PHF8: variants seen among roughly 807,000 people sequenced by gnomAD.
PHF8 encodes PHD finger protein 8.
PHF8 carries 9 observed loss-of-function variants against 74.4 expected under a neutral mutation model. That is an observed-to-expected ratio of 0.12 (90% CI 0.07 to 0.21). PHF8 has a LOEUF of 0.21. Ranked by LOEUF, PHF8 falls within the 10% of genes least tolerant of loss-of-function variation. The pLI, the probability that PHF8 is intolerant of heterozygous loss-of-function variation, is 1.00. For synonymous variants in PHF8, 311 were observed against 316.6 expected (o/e 0.98, Z 0.19); for missense variants, 478 against 816.6 (o/e 0.59, Z 5.05).
At chrX:54,046,826 CCT>C (rs781968954), upstream of PHF8, among the ~76,000 whole-genome samples, 68 of 110,778 alleles carry the variant, frequency 6.1e-4, 1 homozygote, top group Admixed American at 5.7e-3. Context: ...ATAGTGAAAC[CCT>C]GTCTCTACAA....
intron 8 of PHF8, among the ~76,000 whole-genome samples, chrX:54,006,831 G>A (rs1329278921): frequency 2.8e-5 from 3 of 108,711 alleles, no homozygotes; most frequent in South Asian, 4.0e-4. Flanking sequence ...CCAGCTACTC[G>A]GGAGGCTAAG....
chrX:53,979,511 A>C (rs1482363346), intron 18 of PHF8, among the ~76,000 whole-genome samples: 2 of 112,455 alleles, frequency 1.8e-5, no homozygotes, highest in Non-Finnish European at 3.8e-5. Flanking sequence ...ATAAAATATC[A>C]AACACTAGAG....
intron 18 of PHF8, among the ~76,000 whole-genome samples, chrX:53,978,978 AAGG>A (rs1158461501): frequency 2.7e-5 from 3 of 111,071 alleles, no homozygotes; most frequent in African/African-American, 9.8e-5. Flanking sequence ...TAGTAACACA[AAGG>A]AGGTTAGGGA....
At chrX:53,941,454 A>T (rs1405636853) in intron 20 of PHF8, among the ~76,000 whole-genome samples, 1 of 111,612 alleles carries the variant, frequency 9.0e-6, no homozygotes, top group Non-Finnish European at 1.9e-5. Context: ...TTCTCCCAAT[A>T]CCTTGTATTT....
intron 10 of PHF8, among the ~76,000 whole-genome samples, 160 bp downstream of exon 10, chrX:54,001,995 T>C (rs782456491): frequency 1.8e-5 from 2 of 111,138 alleles, no homozygotes; most frequent in South Asian, 7.7e-4. Context: ...TTTTAAAAAT[T>C]GAACATATTT....
intron 2 of PHF8, among the ~76,000 whole-genome samples, chrX:54,036,077 G>A (rs1317226378): frequency 2.8e-4 from 28 of 100,101 alleles, no homozygotes; most frequent in African/African-American, 1.1e-3. Flanking sequence ...GCTCCAGCCT[G>A]GGCAACAAGA....
At chrX:53,966,959 C>A (rs1369206952) in intron 18 of PHF8, among the ~76,000 whole-genome samples, 1 of 110,113 alleles carries the variant, frequency 9.1e-6, no homozygotes, top group South Asian at 4.0e-4. Context: ...CTCTGCCCAG[C>A]CGCCCCATCT....
intron 7 of PHF8, among the ~76,000 whole-genome samples, chrX:54,013,336 A>G (rs2066010838): frequency 9.0e-6 from 1 of 111,691 alleles, no homozygotes; most frequent in African/African-American, 3.3e-5. Flanking sequence ...CTGTGGTGGC[A>G]GTTAAATGAC....
Position 53,993,737 on chromosome X carries a change from G to A in PHF8, c.1490C>T (p.Pro497Leu). 8.3e-7 allele frequency: 1 copy of A among 1,211,667 alleles called. No homozygotes were observed. Among genetic ancestry groups the A allele is most frequent in the Non-Finnish European group, 1.1e-6 (1 of 895,106 alleles). Residue 497 changes from proline to leucine, a missense_variant, in exon 13 of 22, where the codon CCC (proline) becomes CTC (leucine). By Grantham distance (98) the Pro-to-Leu change is moderately conservative (BLOSUM62 -3). Coordinates refer to ENST00000338154, the MANE Select transcript of PHF8 (RefSeq NM_015107.3). ...KNGSKKKGLKPKELFKKAERK... is the reference protein window; with the variant it reads ...KNGSKKKGLKLKELFKKAERK... ...CTCTGCCTTCTTGAAGAGTTCCTTG[G>A]GCTTCAGGCCTTTCTTCTTTGAACC...
At chrX:54,039,994 G>A (rs1557115441) in intron 2 of PHF8, 1 of 112,689 alleles carries the variant, frequency 8.9e-6, no homozygotes. Context: ...AGTGGATTGT[G>A]CCAGACAGTA....
chrX:54,044,949 CCT>C, upstream of PHF8: 1 of 1,017,962 alleles, frequency 9.8e-7, no homozygotes, highest in East Asian at 3.3e-5. Flanking sequence ...GGTTCTTCCC[CCT>C]GTGAAGGAAG....
intron 4 of PHF8, among the ~76,000 whole-genome samples, chrX:54,019,220 G>A (rs1569528926): frequency 9.0e-6 from 1 of 111,059 alleles, no homozygotes; most frequent in Non-Finnish European, 1.9e-5. Flanking sequence ...CACTTTGGGA[G>A]GCCAAGGAAG....
intron 2 of PHF8, among the ~76,000 whole-genome samples, chrX:54,031,215 T>C (rs1196814295): frequency 2.7e-5 from 3 of 111,382 alleles, no homozygotes; most frequent in African/African-American, 9.8e-5. Context: ...CACTCAACTC[T>C]TCCAGGGATG....
chrX:54,003,915 C>G, intron 8 of PHF8, among the ~76,000 whole-genome samples: 1 of 111,887 alleles, frequency 8.9e-6, no homozygotes, highest in Non-Finnish European at 1.9e-5. Flanking sequence ...ACTCACCCTT[C>G]TAGTGTTGCT....
chrX:53,965,532 G>A (rs1486517003), intron 18 of PHF8, among the ~76,000 whole-genome samples: 4 of 112,105 alleles, frequency 3.6e-5, no homozygotes, highest in Non-Finnish European at 7.5e-5. Flanking sequence ...CTAGCTACTC[G>A]GGAGGCTGAG....
In PHF8 at chrX:53,938,176, G is replaced by A. The variant is rs2064695420; in HGVS notation, c.*982C>T. ...CCGATGGAGGACCCAGGTGTGGGCC[G>A]TCCCGCCACACCCTCCATAATGTCC... On this transcript the variant is annotated 3_prime_UTR_variant, in exon 22 of 22. Coordinates refer to ENST00000338154, the MANE Select transcript of PHF8 (RefSeq NM_015107.3). 2.7e-6 allele frequency: 3 copies of A among 1,099,456 alleles called. No homozygotes were observed. The highest frequency in any genetic ancestry group is 1.2e-6 in the Non-Finnish European group (1 of 842,183). 90.6% of individuals were successfully genotyped at this position (1,099,456 alleles called of 1,213,427 possible). A position where few individuals can be genotyped will look rare whatever the true frequency, so the allele number is the denominator to read the frequency against.
At chrX:53,940,137 G>A in intron 21 of PHF8, 43 bp downstream of exon 21, 1 of 1,035,550 alleles carries the variant, frequency 9.7e-7, no homozygotes, top group Non-Finnish European at 1.3e-6. Context: ...TAGGGCAGGT[G>A]GCTCTAAGAT....
intron 19 of PHF8, among the ~76,000 whole-genome samples, chrX:53,961,633 A>G (rs1272685311): frequency 9.0e-6 from 1 of 111,104 alleles, no homozygotes; most frequent in Non-Finnish European, 1.9e-5. Context: ...TTTTTTTTTA[A>G]AAAGAAACAT....
chrX:53,940,310 A>G lies in PHF8; in HGVS notation c.2856T>C (p.His952=). The change falls in exon 21 of 22, where the codon CAT becomes CAC. Residue 952 remains histidine (H), a synonymous_variant. Transcript: ENST00000338154. The part of the protein sequence containing the change: ...QEALSGSLAD[H]EYTARPNAFG... ...AGGCATTGGGACGAGCGGTGTACTCATGGTCAGCGAGACTTCCTGACAGGG... is the reference window on the plus strand; with the variant it reads ...AGGCATTGGGACGAGCGGTGTACTCGTGGTCAGCGAGACTTCCTGACAGGG... The G allele has an allele frequency of 8.3e-7, 1 of 1,208,137 alleles. No individual in the cohort carries two copies. Among genetic ancestry groups the G allele is most frequent in the Admixed American group, 2.2e-5 (1 of 45,698 alleles).
Sources: allele counts gnomAD v4.1 joint callset (sites outside exome capture counted in the v4.1 genomes callset), GRCh38; gene constraint gnomAD v4.1.1; transcripts MANE v1.5; gene names NCBI Gene and HGNC (gene_info 2026-07-23, HGNC 2026-07-21).